Variants in RIC3 observed in about 807,000 individuals in gnomAD.
The protein encoded by RIC3 is RIC3 acetylcholine receptor chaperone.
Under a neutral mutation model 27.3 loss-of-function variants are expected in RIC3, and 28 were observed. The observed-to-expected ratio is 1.02, with a 90% CI of 0.76 to 1.41. RIC3 has a LOEUF of 1.41. RIC3 is among the 40% of genes most tolerant of loss of function. The pLI, the probability that RIC3 is intolerant of heterozygous loss-of-function variation, is 0.00. For missense variants in RIC3, 501 were observed against 444.7 expected (o/e 1.13, Z -1.14); for synonymous variants, 184 against 160.4 (o/e 1.15, Z -1.11).
At chr11:8,143,583 C>T (rs1357728037) in intron 1 of RIC3, among the ~76,000 whole-genome samples, 1 of 152,016 alleles carries the variant, frequency 6.6e-6, no homozygotes, top group Non-Finnish European at 1.5e-5. Context: ...GAATCAGTAT[C>T]GTGAAAATGG....
intron 1 of RIC3, among the ~76,000 whole-genome samples, chr11:8,141,883 C>T (rs1421763662): frequency 6.6e-6 from 1 of 151,846 alleles, no homozygotes; most frequent in Non-Finnish European, 1.5e-5. Context: ...CACTCAAAAC[C>T]GCTCAACTAC....
chr11:8,158,912 T>C (rs1173564907), intron 1 of RIC3, among the ~76,000 whole-genome samples: 1 of 148,862 alleles, frequency 6.7e-6, no homozygotes, highest in African/African-American at 2.5e-5. Flanking sequence ...TTTGTATTTT[T>C]AGTAGAGACG....
chr11:8,128,208 G>C, intron 4 of RIC3: 1 of 457,414 alleles, frequency 2.2e-6, no homozygotes, highest in South Asian at 1.5e-5. Flanking sequence ...GGGCAGACTA[G>C]AAGAGCTTAC....
intron 4 of RIC3, among the ~76,000 whole-genome samples, chr11:8,131,758 A>G (rs1947747698): frequency 6.6e-6 from 1 of 151,844 alleles, no homozygotes; most frequent in African/African-American, 2.4e-5. Context: ...AAAATTAGCC[A>G]GGCGTGGTGG....
At chr11:8,162,225 T>C (rs66849637) in intron 1 of RIC3, among the ~76,000 whole-genome samples, 12,179 of 152,282 alleles carry the variant, frequency 0.08, 584 homozygotes, top group African/African-American at 0.11. Context: ...CAAACCATAC[T>C]GCAAGACATT....
rs969722663 is a variant in RIC3, at chr11:8,109,922, T to G, written c.*776A>C. 6.6e-6 allele frequency: 1 copy of G among 152,584 alleles called. No homozygotes were observed. The highest frequency in any genetic ancestry group is 2.4e-5 in the African/African-American group (1 of 41,442). The allele number at this position is 152,584 out of a possible 1,614,324, so 9.5% of individuals were successfully genotyped here. On this transcript the variant is annotated 3_prime_UTR_variant, in exon 6 of 6. Coordinates refer to ENST00000309737, the MANE Select transcript of RIC3 (RefSeq NM_001206671.4). ...TGCAGGGCAGGGTCTAAAGTCTCTA[T>G]CTAAAGCTTCCTCTGTCCACTGAAA...
the RIC3 span, chr11:8,100,614 C>G: frequency 1.2e-5 from 20 of 1,608,912 alleles, no homozygotes; most frequent in South Asian, 2.0e-4. Flanking sequence ...GAGTGTCTAC[C>G]CCTTCCTCCC....
Position 8,126,791 on chromosome 11 carries a change from T to C in RIC3, c.538A>G (p.Thr180Ala). 1 of 1,614,138 alleles carries C rather than the reference T, an allele frequency of 6.2e-7. No homozygotes were observed. The highest frequency in any genetic ancestry group is 8.5e-7 in the Non-Finnish European group (1 of 1,180,026). ...PNGESRAQTVTSDQEKRLLHQ... is the reference protein window; with the variant it reads ...PNGESRAQTVASDQEKRLLHQ... ...AGCAACCGTTTCTCTTGGTCAGAAG[T>C]CACAGTCTGTGCTCTGCTTAGAAAT... The change falls in exon 5 of 6, where the codon ACT becomes GCT. Residue 180 changes from threonine to alanine, a missense_variant. Physicochemically the swap from Thr to Ala is moderately conservative, Grantham distance 58. Transcript: ENST00000309737.
intron 1 of RIC3, among the ~76,000 whole-genome samples, chr11:8,163,456 A>C (rs1192360285): frequency 6.6e-6 from 1 of 152,092 alleles, no homozygotes; most frequent in African/African-American, 2.4e-5. Flanking sequence ...CAAAAAAAGT[A>C]AAAATAAAAA....
At chr11:8,128,088 C>T in intron 4 of RIC3, 1 of 405,670 alleles carries the variant, frequency 2.5e-6, no homozygotes, top group South Asian at 1.8e-5. Context: ...CCTCTGATAG[C>T]TCTATTCTTC....
the RIC3 span, chr11:8,101,053 G>T: frequency 8.8e-6 from 14 of 1,597,524 alleles, no homozygotes; most frequent in Non-Finnish European, 1.1e-5. Context: ...GGCCCTTAGC[G>T]TAGGGTTCAG....
Position 8,111,063 on chromosome 11 carries a change from C to G in RIC3, c.745G>C (p.Asp249His). The G allele has an allele frequency of 1.2e-6, 2 of 1,614,094 alleles. No individual in the cohort carries two copies. The highest frequency in any genetic ancestry group is 1.7e-6 in the Non-Finnish European group (2 of 1,179,998). The change falls in exon 6 of 6, where the codon GAT becomes CAT. Residue 249 changes from aspartate to histidine, a missense_variant. Asp to His is a moderately conservative substitution (Grantham distance 81). Coordinates refer to ENST00000309737, the MANE Select transcript of RIC3 (RefSeq NM_001206671.4). Reference sequence around the variant, plus strand: ...GAAAGTTCTTTTGGGTCAGGGTAATCCACCAAGATTGTTTCTTGCCTACGC... The same window carrying G: ...GAAAGTTCTTTTGGGTCAGGGTAATGCACCAAGATTGTTTCTTGCCTACGC... ...IKRRQETILVDYPDPKELSAE... is the reference protein window; with the variant it reads ...IKRRQETILVHYPDPKELSAE...
intron 4 of RIC3, among the ~76,000 whole-genome samples, chr11:8,130,485 A>C (rs1947558077): frequency 6.6e-6 from 1 of 152,086 alleles, no homozygotes; most frequent in South Asian, 2.1e-4. Flanking sequence ...TCTTCCAATA[A>C]ATTCTGCCTC....
intron 4 of RIC3, among the ~76,000 whole-genome samples, chr11:8,133,728 TA>T (rs1477688423): frequency 6.6e-6 from 1 of 152,110 alleles, no homozygotes; most frequent in Non-Finnish European, 1.5e-5. Flanking sequence ...CCTTTGCACA[TA>T]AAAAAGGAGA....
chr11:8,131,795 G>T (rs1251500889), intron 4 of RIC3, among the ~76,000 whole-genome samples: 2 of 150,662 alleles, frequency 1.3e-5, no homozygotes, highest in African/African-American at 4.9e-5. Context: ...CAGCTACTCA[G>T]GAGGCTGAGG....
At chr11:8,095,457 C>T in the RIC3 span, 1 of 1,569,818 alleles carries the variant, frequency 6.4e-7, no homozygotes, top group Non-Finnish European at 8.7e-7. Context: ...GCCCTCCTCT[C>T]CTCCTCCTGG....
chr11:8,148,685 T>A (rs191451298), intron 1 of RIC3, among the ~76,000 whole-genome samples: 110 of 152,230 alleles, frequency 7.2e-4, no homozygotes, highest in Admixed American at 3.3e-3. Flanking sequence ...ATGTTCAAGA[T>A]TCTGCCATAT....
At chr11:8,101,687 G>T, downstream of RIC3, 1 of 1,579,454 alleles carries the variant, frequency 6.3e-7, no homozygotes, top group Non-Finnish European at 8.6e-7. Flanking sequence ...TGTGGAGACA[G>T]CCCTGCCTAT....
chr11:8,159,539 G>A (rs991849785), intron 1 of RIC3, among the ~76,000 whole-genome samples: 1 of 152,126 alleles, frequency 6.6e-6, no homozygotes, highest in Non-Finnish European at 1.5e-5. Flanking sequence ...AAGGAGGAAG[G>A]AGGCAAACCA....
Sources: allele counts gnomAD v4.1 joint callset (sites outside exome capture counted in the v4.1 genomes callset), GRCh38; gene constraint gnomAD v4.1.1; transcripts MANE v1.5; gene names NCBI Gene and HGNC (gene_info 2026-07-23, HGNC 2026-07-21).